GLIS3: variants seen among roughly 807,000 people sequenced by gnomAD.
GLIS3 encodes zinc finger protein GLIS3.
Under a neutral mutation model 78.6 loss-of-function variants are expected in GLIS3, and 53 were observed. That is an observed-to-expected ratio of 0.67 (90% CI 0.54 to 0.85). GLIS3 has a LOEUF of 0.85. Among genes scored for constraint, GLIS3 ranks in the 40% least tolerant of loss-of-function variants. The probability of loss-of-function intolerance (pLI) is 0.00; values close to 1 mark genes in which losing one functional copy is unlikely to be tolerated. For synonymous variants in GLIS3, 684 were observed against 509.9 expected (o/e 1.34, Z -4.60); for missense variants, 1,703 against 1,231.1 (o/e 1.38, Z -5.74).
chr9:4,485,555 G>A, the GLIS3 span, among the ~76,000 whole-genome samples: 1 of 152,124 alleles, frequency 6.6e-6, no homozygotes, highest in South Asian at 2.1e-4. Flanking sequence ...AGGCTGATTT[G>A]AGTAATAACT....
chr9:4,416,864 G>GCTGGA, the GLIS3 span, among the ~76,000 whole-genome samples: 1 of 139,484 alleles, frequency 7.2e-6, no homozygotes, highest in African/African-American at 2.6e-5. Flanking sequence ...TGTTGCCCAG[G>GCTGGA]CTGGAGTGCA....
chr9:3,904,741 A>C (rs1006504569), intron 6 of GLIS3, among the ~76,000 whole-genome samples: 2 of 152,212 alleles, frequency 1.3e-5, no homozygotes, highest in African/African-American at 4.8e-5. Context: ...TGTGCCTCAC[A>C]ACTCTATGGA....
the GLIS3 span, among the ~76,000 whole-genome samples, chr9:4,380,463 C>T: frequency 1.3e-5 from 2 of 152,058 alleles, no homozygotes; most frequent in Admixed American, 6.5e-5. Context: ...TCAAAAGCAC[C>T]AAAGAAGATA....
intron 9 of GLIS3, among the ~76,000 whole-genome samples, chr9:3,830,962 T>A (rs1309648735): frequency 1.3e-5 from 2 of 152,158 alleles, no homozygotes; most frequent in South Asian, 4.1e-4. Flanking sequence ...GGAGGCCTAT[T>A]CTATGGTTGT....
At chr9:3,914,660 T>G (rs1276559626) in intron 6 of GLIS3, among the ~76,000 whole-genome samples, 1 of 152,212 alleles carries the variant, frequency 6.6e-6, no homozygotes, top group East Asian at 1.9e-4. Flanking sequence ...TTTTCCACCT[T>G]GCTTCTAAAG....
At chr9:4,010,747 T>G (rs1821937385) in intron 4 of GLIS3, among the ~76,000 whole-genome samples, 1 of 152,188 alleles carries the variant, frequency 6.6e-6, no homozygotes, top group African/African-American at 2.4e-5. Flanking sequence ...CCACCAGCCC[T>G]TCTAATAGTT....
At chr9:3,899,183 C>T (rs1312865831) in intron 6 of GLIS3, among the ~76,000 whole-genome samples, 1 of 152,118 alleles carries the variant, frequency 6.6e-6, no homozygotes, top group African/African-American at 2.4e-5. Flanking sequence ...TAGATTTAGT[C>T]CATCTTGGAA....
intron 4 of GLIS3, among the ~76,000 whole-genome samples, chr9:4,006,266 T>C (rs1178067272): frequency 6.9e-6 from 1 of 144,442 alleles, no homozygotes. Context: ...TACAGATTAT[T>C]CTGAGCACTG....
chr9:4,254,253 G>A (rs749931920), intron 2 of GLIS3, among the ~76,000 whole-genome samples: 4 of 152,298 alleles, frequency 2.6e-5, no homozygotes, highest in Non-Finnish European at 4.4e-5. Context: ...CAGAAGATAC[G>A]TGAGAATAAA....
chr9:4,277,696 T>C (rs1453536543), intron 2 of GLIS3, among the ~76,000 whole-genome samples: 1 of 152,228 alleles, frequency 6.6e-6, no homozygotes, highest in African/African-American at 2.4e-5. Context: ...AAAACTCTTA[T>C]AATGAAAATC....
At chr9:4,369,885 T>C in the GLIS3 span, among the ~76,000 whole-genome samples, 5 of 151,986 alleles carry the variant, frequency 3.3e-5, 1 homozygote, top group South Asian at 4.2e-4. Flanking sequence ...AATGGAGAGA[T>C]AGCAAAAGGA....
In GLIS3 at chr9:4,286,485, G is replaced by T; in HGVS notation, c.-60C>A. Reference sequence around the variant, plus strand: ...CAATGTCACTAATGACTCCTTTCAGGCAAAGTCCAATAAGTTATCCATGGT... The same window carrying T: ...CAATGTCACTAATGACTCCTTTCAGTCAAAGTCCAATAAGTTATCCATGGT... On this transcript the variant is annotated 5_prime_UTR_variant, in exon 2 of 11. Transcript: ENST00000381971. 1 of 1,595,436 alleles carries T rather than the reference G, an allele frequency of 6.3e-7. No individual in the cohort carries two copies. The highest frequency in any genetic ancestry group is 1.1e-5 in the South Asian group (1 of 90,240).
At chr9:4,345,776 A>T (rs1378571443) in intron 2 of GLIS3, among the ~76,000 whole-genome samples, 2 of 152,240 alleles carry the variant, frequency 1.3e-5, no homozygotes, top group Non-Finnish European at 2.9e-5. Context: ...ACAAGAAGAT[A>T]AAGCAAAAAG....
intron 2 of GLIS3, among the ~76,000 whole-genome samples, chr9:4,285,213 ATT>A (rs1197366197): frequency 2.0e-5 from 3 of 152,182 alleles, no homozygotes; most frequent in Non-Finnish European, 2.9e-5. Flanking sequence ...GCAAAGCTAT[ATT>A]TTACGTGGGG....
intron 4 of GLIS3, among the ~76,000 whole-genome samples, chr9:4,081,593 C>T (rs1451414361): frequency 6.6e-6 from 1 of 152,164 alleles, no homozygotes; most frequent in Non-Finnish European, 1.5e-5. Context: ...GTAAAGCCCT[C>T]CCAACTAGTT....
chr9:3,852,006 G>A (rs1261459343), intron 9 of GLIS3, among the ~76,000 whole-genome samples: 1 of 152,164 alleles, frequency 6.6e-6, no homozygotes, highest in Non-Finnish European at 1.5e-5. Flanking sequence ...TTAGCTGGAT[G>A]TGGGGGCATG....
intron 1 of GLIS3, among the ~76,000 whole-genome samples, chr9:4,290,082 CAAG>C (rs914347661): frequency 2.6e-4 from 39 of 152,108 alleles, no homozygotes; most frequent in African/African-American, 8.9e-4. Flanking sequence ...CAGAAAATTT[CAAG>C]AACATGACTT....
the GLIS3 span, among the ~76,000 whole-genome samples, chr9:4,484,633 G>A: frequency 1.3e-5 from 2 of 151,644 alleles, no homozygotes; most frequent in Non-Finnish European, 2.9e-5. Flanking sequence ...GCCAGGCTAG[G>A]CTCGAACTCC....
At chr9:4,214,642 T>G (rs938356494) in intron 2 of GLIS3, among the ~76,000 whole-genome samples, 3 of 152,212 alleles carry the variant, frequency 2.0e-5, no homozygotes, top group African/African-American at 7.2e-5. Flanking sequence ...TTCATTTAGC[T>G]TCCTTAATGT....
Sources: gnomAD v4.1 joint callset for allele counts (sites outside exome capture counted in the v4.1 genomes callset) on GRCh38, gnomAD v4.1.1 for gene constraint, MANE v1.5 for transcripts, NCBI Gene and HGNC (gene_info 2026-07-23, HGNC 2026-07-21) for gene names.